Variants in SPAG16 observed in about 807,000 individuals in gnomAD.
SPAG16 encodes sperm-associated antigen 16 protein.
A neutral mutation model predicts 80.4 loss-of-function variants in SPAG16; 86 were observed. That is an observed-to-expected ratio of 1.07 (90% CI 0.90 to 1.28). SPAG16 has a LOEUF of 1.28. Among genes scored for constraint, SPAG16 ranks in the 50% most tolerant of loss-of-function variants. SPAG16 has a pLI of 0.00. For missense variants in SPAG16, 870 were observed against 765.3 expected (o/e 1.14, Z -1.61); for synonymous variants, 294 against 265.9 (o/e 1.11, Z -1.03).
At chr2:214,154,499 C>A (rs2056124026) in intron 15 of SPAG16, among the ~76,000 whole-genome samples, 1 of 10,070 alleles carries the variant, frequency 9.9e-5, no homozygotes, top group Non-Finnish European at 3.4e-4. Flanking sequence ...AAGTATCAGA[C>A]CCCCCCCCCC....
chr2:213,745,336 G>A (rs182267354), intron 10 of SPAG16, among the ~76,000 whole-genome samples: 40 of 152,064 alleles, frequency 2.6e-4, no homozygotes, highest in African/African-American at 7.2e-4. Context: ...TCTGCCTCCC[G>A]GGTTCAAGCA....
intron 4 of SPAG16, among the ~76,000 whole-genome samples, chr2:213,315,755 T>C (rs1035395251): frequency 3.9e-5 from 6 of 152,000 alleles, no homozygotes; most frequent in South Asian, 2.1e-4. Flanking sequence ...CTCAGTATTC[T>C]TTTCAGACTC....
chr2:213,853,321 C>G (rs1039871750), intron 10 of SPAG16, among the ~76,000 whole-genome samples: 1 of 152,076 alleles, frequency 6.6e-6, no homozygotes, highest in Admixed American at 6.6e-5. Context: ...CACCATACAC[C>G]TACACACACT....
At chr2:214,323,869 A>C (rs1163879107) in intron 15 of SPAG16, among the ~76,000 whole-genome samples, 5 of 152,246 alleles carry the variant, frequency 3.3e-5, no homozygotes, top group Admixed American at 1.3e-4. Flanking sequence ...CAATTTTATA[A>C]GAAAGGTAAG....
chr2:214,096,262 G>C (rs2052580449), intron 13 of SPAG16, among the ~76,000 whole-genome samples: 3 of 145,392 alleles, frequency 2.1e-5, no homozygotes, highest in Admixed American at 1.4e-4. Flanking sequence ...TACATAGAGA[G>C]GTTGGTTTTT....
At chr2:213,561,010 T>C (rs1192142728) in intron 10 of SPAG16, among the ~76,000 whole-genome samples, 1 of 152,194 alleles carries the variant, frequency 6.6e-6, no homozygotes, top group African/African-American at 2.4e-5. Context: ...ATTACAGGCC[T>C]CTGCCTCTAC....
chr2:214,030,979 C>A (rs1185140098), intron 13 of SPAG16, among the ~76,000 whole-genome samples: 1 of 152,180 alleles, frequency 6.6e-6, no homozygotes, highest in African/African-American at 2.4e-5. Flanking sequence ...TTATATGATT[C>A]TTCAGGGAGT....
chr2:213,299,662 A>T (rs1422859270), intron 3 of SPAG16, among the ~76,000 whole-genome samples: 1 of 152,112 alleles, frequency 6.6e-6, no homozygotes, highest in Non-Finnish European at 1.5e-5. Flanking sequence ...TAAATTTTAA[A>T]TTGTGTATTT....
chr2:214,292,021 G>T, intron 15 of SPAG16, among the ~76,000 whole-genome samples: 1 of 152,178 alleles, frequency 6.6e-6, no homozygotes, highest in East Asian at 1.9e-4. Flanking sequence ...TGCTGTGCAT[G>T]ATATCCTTGA....
chr2:214,268,845 A>G (rs1308196724), intron 15 of SPAG16, among the ~76,000 whole-genome samples: 1 of 151,922 alleles, frequency 6.6e-6, no homozygotes, highest in Non-Finnish European at 1.5e-5. Context: ...AATACAGGCC[A>G]TGCATGGAAG....
intron 10 of SPAG16, among the ~76,000 whole-genome samples, chr2:213,819,897 C>T (rs1176862966): frequency 2.6e-5 from 4 of 150,998 alleles, no homozygotes; most frequent in South Asian, 2.1e-4. Flanking sequence ...GCTGGGATTA[C>T]AGGTGCCTGC....
chr2:214,119,496 A>G (rs1396455166), intron 14 of SPAG16, among the ~76,000 whole-genome samples: 1 of 152,114 alleles, frequency 6.6e-6, no homozygotes, highest in Non-Finnish European at 1.5e-5. Flanking sequence ...GTGGCAGGAA[A>G]ATGAGCAGGG....
At chr2:213,502,718 T>G (rs1335146322) in intron 10 of SPAG16, among the ~76,000 whole-genome samples, 2 of 152,240 alleles carry the variant, frequency 1.3e-5, no homozygotes, top group African/African-American at 4.8e-5. Context: ...CTATGAACAG[T>G]TCTTTAATAT....
intron 15 of SPAG16, among the ~76,000 whole-genome samples, chr2:214,327,112 G>A (rs1395265690): frequency 2.6e-5 from 4 of 151,986 alleles, no homozygotes; most frequent in Admixed American, 6.6e-5. Flanking sequence ...GTAAAATTAA[G>A]CATTTTTATA....
chr2:213,980,614 G>A (rs1471918200), intron 12 of SPAG16, among the ~76,000 whole-genome samples: 1 of 140,074 alleles, frequency 7.1e-6, no homozygotes, highest in South Asian at 2.2e-4. Context: ...TGGAGTATAT[G>A]TATATATATA....
intron 10 of SPAG16, among the ~76,000 whole-genome samples, chr2:213,771,138 T>C (rs1176842354): frequency 6.6e-6 from 1 of 152,188 alleles, no homozygotes; most frequent in Non-Finnish European, 1.5e-5. Context: ...TTTTGACTTT[T>C]TAATTATCAC....
chr2:214,176,952 T>G (rs1399816474), intron 15 of SPAG16, among the ~76,000 whole-genome samples: 1 of 151,260 alleles, frequency 6.6e-6, no homozygotes, highest in African/African-American at 2.4e-5. Context: ...CTAAGCTTTT[T>G]TTAAAAAAAT....
At chr2:214,351,744 T>C (rs1698424465) in intron 15 of SPAG16, among the ~76,000 whole-genome samples, 1 of 149,696 alleles carries the variant, frequency 6.7e-6, no homozygotes, top group Admixed American at 6.7e-5. Flanking sequence ...AACTTAAATA[T>C]TGACAGTGAT....
intron 14 of SPAG16, among the ~76,000 whole-genome samples, chr2:214,148,875 T>G (rs2055803743): frequency 6.6e-6 from 1 of 151,874 alleles, no homozygotes; most frequent in South Asian, 2.1e-4. Flanking sequence ...CTCCAAAAAT[T>G]TAGTGTAGGA....
Sources: allele counts gnomAD v4.1 joint callset (sites outside exome capture counted in the v4.1 genomes callset), GRCh38; gene constraint gnomAD v4.1.1; transcripts MANE v1.5; gene names NCBI Gene and HGNC (gene_info 2026-07-23, HGNC 2026-07-21).